CTSB: variants seen among roughly 807,000 people sequenced by gnomAD.
The protein encoded by CTSB is cathepsin B.
A neutral mutation model predicts 44.3 loss-of-function variants in CTSB; 57 were observed. That is an observed-to-expected ratio of 1.29 (90% CI 1.04 to 1.60). The LOEUF (loss-of-function observed/expected upper bound fraction) is 1.60, where lower values mean the gene tolerates loss of function less well. Among genes scored for constraint, CTSB ranks in the 40% most tolerant of loss-of-function variants. The pLI, the probability that CTSB is intolerant of heterozygous loss-of-function variation, is 0.00. For missense variants in CTSB, 768 were observed against 443.0 expected, an observed-to-expected ratio of 1.73 and a Z score of -6.59; for synonymous variants, 320 against 168.0, an observed-to-expected ratio of 1.91 and a Z score of -7.00.
At chr8:11,866,809 G>A (rs1817218317) in intron 1 of CTSB, among the ~76,000 whole-genome samples, 1 of 152,198 alleles carries the variant, frequency 6.6e-6, no homozygotes, top group South Asian at 2.1e-4. Flanking sequence ...GTAGTGAGCC[G>A]AGATCGCGCC....
At chr8:11,867,391 CCT>C (rs1817312542) in intron 1 of CTSB, 1 of 152,502 alleles carries the variant, frequency 6.6e-6, no homozygotes, top group African/African-American at 2.4e-5. Context: ...GGTTTCTCTT[CCT>C]GTTTATGGAT....
Position 11,842,934 on chromosome 8 carries a change from GCCT to G in CTSB, c.*2188_*2190del, listed in dbSNP as rs1416441317. 5 of 104,284 alleles carry G rather than the reference GCCT, an allele frequency of 4.8e-5. No homozygotes were observed. Among genetic ancestry groups the G allele is most frequent in the South Asian group, 3.4e-4 (1 of 2,976 alleles). 6.5% of individuals were successfully genotyped at this position (104,284 alleles called of 1,614,324 possible). ...TTACAGGCTTGAGCCACTGCGCCCGGCCTTTTTTTTTTTTTTTTTTTTTTTAAT... is the reference window on the plus strand; with the variant it reads ...TTACAGGCTTGAGCCACTGCGCCCGGTTTTTTTTTTTTTTTTTTTTTTAAT... On this transcript the variant is annotated 3_prime_UTR_variant, in exon 10 of 10. Transcript: ENST00000353047.
chr8:11,844,958 G>C lies in CTSB; in HGVS notation c.*167C>G. On this transcript the variant is annotated 3_prime_UTR_variant, in exon 10 of 10. Coordinates refer to ENST00000353047, the MANE Select transcript of CTSB (RefSeq NM_001908.5). ...TGGCCTGTCTGCACTGTAACCACAGGCTGGGATGTAGCCAGGACTTGGTCT... is the reference window on the plus strand; with the variant it reads ...TGGCCTGTCTGCACTGTAACCACAGCCTGGGATGTAGCCAGGACTTGGTCT... 1 of 613,352 alleles carries C rather than the reference G, an allele frequency of 1.6e-6. No homozygotes were observed. Among genetic ancestry groups the C allele is most frequent in the Admixed American group, 2.7e-5 (1 of 37,336 alleles). The allele number at this position is 613,352 out of a possible 1,614,324, so 38.0% of individuals were successfully genotyped here. A position where few individuals can be genotyped will look rare whatever the true frequency, so the allele number is the denominator to read the frequency against.
At chr8:11,847,596 T>C (rs1813641514) in intron 7 of CTSB, 83 bp downstream of exon 7, 2 of 1,452,714 alleles carry the variant, frequency 1.4e-6, no homozygotes, top group East Asian at 2.4e-5. Context: ...TCCTCAGCCC[T>C]GACCTCTTCG....
In CTSB at chr8:11,848,646, G is replaced by C. The variant is rs114551030; in HGVS notation, c.446+400C>G. On this transcript the variant is annotated intron_variant, in intron 5 of 9. Transcript: ENST00000353047. ...CGGAACCAAGGCGAGGCTGCAGGCA[G>C]CTGGAGCAGAAAGTTCTGTGCCACC... 7.8e-3 allele frequency: 2,376 copies of C among 306,044 alleles called. 57 individuals are homozygous for C. Among genetic ancestry groups the C allele is most frequent in the African/African-American group, 0.047 (2,207 of 46,584 alleles). 19.0% of individuals were successfully genotyped at this position (306,044 alleles called of 1,614,324 possible).
In CTSB at chr8:11,844,300, G is replaced by A. The variant is rs62495680; in HGVS notation, c.*825C>T. 6.6e-6 allele frequency: 1 copy of A among 152,256 alleles called. No individual in the cohort carries two copies. The allele number at this position is 152,256 out of a possible 1,614,324, so 9.4% of individuals were successfully genotyped here. A position where few individuals can be genotyped will look rare whatever the true frequency, so the allele number is the denominator to read the frequency against. On this transcript the variant is annotated 3_prime_UTR_variant, in exon 10 of 10. Coordinates refer to ENST00000353047, the MANE Select transcript of CTSB (RefSeq NM_001908.5). ...CTATAGGCAGTGACAAAGGATCTGAGATCCCATCAGAGTAGACTTCAAGTT... is the reference window on the plus strand; with the variant it reads ...CTATAGGCAGTGACAAAGGATCTGAAATCCCATCAGAGTAGACTTCAAGTT...
At chr8:11,860,192 A>G (rs1206147461) in intron 1 of CTSB, among the ~76,000 whole-genome samples, 4 of 152,240 alleles carry the variant, frequency 2.6e-5, no homozygotes, top group African/African-American at 4.8e-5. Flanking sequence ...TTTCCAAATA[A>G]GCCAAGTTGC....
intron 4 of CTSB, chr8:11,849,718 T>G (rs1814198908): frequency 6.6e-6 from 1 of 152,384 alleles, no homozygotes; most frequent in Admixed American, 6.5e-5. Flanking sequence ...GTAGCTGGGA[T>G]TATAGGTGCC....
At chr8:11,846,261 T>TA (rs1446783355) in intron 8 of CTSB, 1 of 152,460 alleles carries the variant, frequency 6.6e-6, no homozygotes, top group African/African-American at 2.4e-5. Flanking sequence ...AGATACTGGC[T>TA]AAGGGGCTCA....
At position 11,853,356 on chromosome 8, in the gene CTSB, A is replaced by G. The variant is rs2131059354; in HGVS notation, c.99T>C (p.Tyr33=). Residue 33 remains tyrosine, a synonymous_variant, in exon 2 of 10, where the codon TAT becomes TAC. Coordinates refer to ENST00000353047, the MANE Select transcript of CTSB (RefSeq NM_001908.5). The part of the protein sequence containing the change: ...FHPLSDELVN[Y]VNKRNTTWQA... ...GCCACGTGGTATTCCGTTTGTTGAC[A>G]TAGTTGACCAGCTCATCCGACAGGG... is the stretch of plus-strand genomic sequence containing the variant. The G allele has an allele frequency of 6.2e-7, 1 of 1,613,370 alleles. No homozygotes were observed. The highest frequency in any genetic ancestry group is 8.5e-7 in the Non-Finnish European group (1 of 1,179,894).
At chr8:11,846,940 A>C in intron 8 of CTSB, 112 bp downstream of exon 8, 2 of 719,438 alleles carry the variant, frequency 2.8e-6, no homozygotes, top group Non-Finnish European at 5.1e-6. Flanking sequence ...CCTCTTCCCC[A>C]GCCCCTCACC....
At chr8:11,857,673 C>T (rs1456520638) in intron 1 of CTSB, among the ~76,000 whole-genome samples, 3 of 152,088 alleles carry the variant, frequency 2.0e-5, no homozygotes, top group South Asian at 2.1e-4. Context: ...AGGGCCCCCT[C>T]GCCACTTCAC....
Position 11,853,346 on chromosome 8 carries a change from G to C in CTSB, c.109C>G (p.Arg37Gly). Residue 37 changes from arginine to glycine, a missense_variant, in exon 2 of 10, where the codon CGG becomes GGG. Transcript: ENST00000353047. ...SDELVNYVNK[R>G]NTTWQAGHNF... is the part of the protein sequence containing the mutation. ...CAGCCTACCTGCCACGTGGTATTCC[G>C]TTTGTTGACATAGTTGACCAGCTCA... 1 of 1,613,338 alleles carries C rather than the reference G, an allele frequency of 6.2e-7. No homozygotes were observed. Among genetic ancestry groups the C allele is most frequent in the Non-Finnish European group, 8.5e-7 (1 of 1,179,872 alleles).
At chr8:11,858,822 C>T (rs765996736) in intron 1 of CTSB, among the ~76,000 whole-genome samples, 1 of 152,212 alleles carries the variant, frequency 6.6e-6, no homozygotes, top group Non-Finnish European at 1.5e-5. Context: ...GAGCTGTTAA[C>T]AGCTTTCCAG....
chr8:11,848,178 C>T (rs1443820991), intron 5 of CTSB, 26 bp from the exon 6 acceptor site: 1 of 1,602,634 alleles, frequency 6.2e-7, no homozygotes, highest in African/African-American at 1.3e-5. Flanking sequence ...CTAATGAAAA[C>T]CTCTGAGAGA....
Position 11,849,055 on chromosome 8 carries a change from C to A in CTSB, c.437G>T (p.Cys146Phe). The change falls in exon 5 of 10, where the codon TGT (cysteine) becomes TTT (phenylalanine). Residue 146 changes from cysteine (C) to phenylalanine (F), a missense_variant. Physicochemically the swap from Cys to Phe is radical, Grantham distance 205. Transcript: ENST00000353047. ...GCACAGCCTGACTCACCCGTCCCCA[C>A]ACATGCTGCCACAGCATGTGAGCAG... The part of the protein sequence containing the change: ...EDLLTCCGSM[C>F]GDGCNGGYPA... The A allele has an allele frequency of 6.2e-7, 1 of 1,612,702 alleles. No individual in the cohort carries two copies. Among genetic ancestry groups the A allele is most frequent in the Non-Finnish European group, 8.5e-7 (1 of 1,179,210 alleles).
intron 3 of CTSB, among the ~76,000 whole-genome samples, chr8:11,851,802 G>C (rs1213297289): frequency 6.6e-6 from 1 of 152,072 alleles, no homozygotes; most frequent in Non-Finnish European, 1.5e-5. Flanking sequence ...GAGTAGCTGG[G>C]ATTACAGGCG....
intron 9 of CTSB, 34 bp from the exon 10 acceptor site, chr8:11,845,256 G>A (rs1178487751): frequency 2.0e-6 from 3 of 1,511,562 alleles, no homozygotes; most frequent in Non-Finnish European, 2.8e-6. Flanking sequence ...TTTAAAGTGT[G>A]ACAAGGGTCA....
rs767250820 is a variant in CTSB, at chr8:11,850,904, T to C, written c.289A>G (p.Lys97Glu). The C allele has an allele frequency of 1.2e-6, 2 of 1,613,606 alleles. No individual in the cohort carries two copies. Among genetic ancestry groups the C allele is most frequent in the East Asian group, 2.2e-5 (1 of 44,888 alleles). The change falls in exon 4 of 10, where the codon AAA (lysine) becomes GAA (glutamate). Residue 97 changes from lysine (K) to glutamate (E), a missense_variant. Coordinates refer to ENST00000353047, the MANE Select transcript of CTSB (RefSeq NM_001908.5). ...REQWPQCPTI[K>E]EIRDQGSCGS... Reference sequence around the variant, plus strand: ...CAGGAGCCCTGGTCTCTGATCTCTTTGATGGTGGGACACTGTGGCCATTGT... The same window carrying C: ...CAGGAGCCCTGGTCTCTGATCTCTTCGATGGTGGGACACTGTGGCCATTGT...
Sources: allele counts gnomAD v4.1 joint callset (sites outside exome capture counted in the v4.1 genomes callset), GRCh38; gene constraint gnomAD v4.1.1; transcripts MANE v1.5; gene names NCBI Gene and HGNC (gene_info 2026-07-23, HGNC 2026-07-21).